The following ZNF778 variants were observed in gnomAD, a reference collection of about 807,000 sequenced individuals.
ZNF778 encodes the protein zinc finger protein 778.
Under a neutral mutation model 23.9 loss-of-function variants are expected in ZNF778, and 37 were observed. The ratio of observed to expected loss-of-function variants is 1.54; its 90% CI spans 1.19 to 2.03. The LOEUF is 2.03. ZNF778 is among the 30% of genes most tolerant of loss of function. The probability of loss-of-function intolerance (pLI) is 0.00; values close to 1 mark genes in which losing one functional copy is unlikely to be tolerated. For missense variants in ZNF778, 1,297 were observed against 934.4 expected (o/e 1.39, Z -5.06); for synonymous variants, 483 against 343.9 (o/e 1.40, Z -4.48).
At position 89,224,663 on chromosome 16, in the gene ZNF778, G is replaced by T. The variant is rs951473381; in HGVS notation, c.245-56G>T. The T allele has an allele frequency of 4.7e-6, 6 of 1,275,348 alleles. No homozygotes were observed. The African/African-American group carries it at 7.3e-5, about 16-fold the overall frequency. The allele number at this position is 1,275,348 out of a possible 1,614,324, so 79.0% of individuals were successfully genotyped here. A position where few individuals can be genotyped will look rare whatever the true frequency, so the allele number is the denominator to read the frequency against. ...GAAATGTAGTTCCTGTTCACGGGTA[G>T]GTTTGTCATCCCCTGCCTGAGCCTC... On this transcript the variant is annotated intron_variant, in intron 4 of 6. Coordinates refer to ENST00000433976, the MANE Select transcript of ZNF778 (RefSeq NM_001201407.2).
intron 1 of ZNF778, among the ~76,000 whole-genome samples, chr16:89,220,194 GC>G (rs1270141303): frequency 6.6e-6 from 1 of 152,150 alleles, no homozygotes; most frequent in Non-Finnish European, 1.5e-5. Context: ...CAAAGACCTC[GC>G]CCCCGCCGAC....
chr16:89,219,311 T>G (rs2030688231), intron 1 of ZNF778, among the ~76,000 whole-genome samples: 1 of 152,216 alleles, frequency 6.6e-6, no homozygotes, highest in Admixed American at 6.5e-5. Flanking sequence ...ACTTTGGTGT[T>G]GTTTTCTCGT....
Position 89,222,167 on chromosome 16 carries a change from T to A in ZNF778, c.101T>A (p.Leu34Gln). The change falls in exon 3 of 7, where the codon CTG (leucine) becomes CAG (glutamine). Residue 34 changes from leucine (L) to glutamine (Q), a missense_variant. Coordinates refer to ENST00000433976, the MANE Select transcript of ZNF778 (RefSeq NM_001201407.2). ...TQAAGMVAGW[L>Q]INCYQDAVTF... ...GCAGCAGGGATGGTGGCTGGCTGGC[T>A]GATAAATTGTTACCAGGTATGCCAA... 6.2e-7 allele frequency: 1 copy of A among 1,605,328 alleles called. No individual in the cohort carries two copies. The highest frequency in any genetic ancestry group is 8.5e-7 in the Non-Finnish European group (1 of 1,174,308).
At chr16:89,222,293 C>G (rs2031033454) in intron 3 of ZNF778, 110 bp downstream of exon 3, 2 of 692,210 alleles carry the variant, frequency 2.9e-6, no homozygotes, top group South Asian at 2.7e-5. Flanking sequence ...GACCGAGTCC[C>G]TAGTTGAACG....
In ZNF778 at chr16:89,234,143, G is replaced by T. The variant is rs1316270562; in HGVS notation, c.*5581G>T. The T allele has an allele frequency of 2.2e-6, 1 of 449,558 alleles. No individual in the cohort carries two copies. Among genetic ancestry groups the T allele is most frequent in the Non-Finnish European group, 4.3e-6 (1 of 232,840 alleles). The allele number at this position is 449,558 out of a possible 1,614,324, so 27.8% of individuals were successfully genotyped here. A position where few individuals can be genotyped will look rare whatever the true frequency, so the allele number is the denominator to read the frequency against. ...TGTGAGTGATAAACTTTCCATGTCA[G>T]GAACCTGTGTGTGTCACTCACTCAC... On this transcript the variant is annotated 3_prime_UTR_variant, in exon 7 of 7. Coordinates refer to ENST00000433976, the MANE Select transcript of ZNF778 (RefSeq NM_001201407.2).
In ZNF778 at chr16:89,230,576, G is replaced by T. The variant is rs897670488; in HGVS notation, c.*2014G>T. The T allele has an allele frequency of 5.3e-5, 8 of 152,240 alleles. No homozygotes were observed. The highest frequency in any genetic ancestry group is 1.9e-4 in the African/African-American group (8 of 41,448). 9.4% of individuals were successfully genotyped at this position (152,240 alleles called of 1,614,324 possible). ...TACCATGAAAACAGACCAGGGACAC[G>T]GCTGGTCCTGATGTTCTGTGGCGCT... On this transcript the variant is annotated 3_prime_UTR_variant, in exon 7 of 7. Transcript: ENST00000433976.
Position 89,228,510 on chromosome 16 carries a change from C to G in ZNF778, c.2222C>G (p.Ser741Cys). ...GACTGTGGAAAATCTTTTAAGAATTCCTCATGCCTTAACCATCACACTCAA... is the reference window on the plus strand; with the variant it reads ...GACTGTGGAAAATCTTTTAAGAATTGCTCATGCCTTAACCATCACACTCAA... ...CKDCGKSFKN[S>C]SCLNHHTQIH... is the part of the protein sequence containing the mutation. Residue 741 changes from serine to cysteine, a missense_variant, in exon 7 of 7, where the codon TCC (serine) becomes TGC (cysteine). Ser to Cys is a moderately radical substitution (Grantham distance 112). Transcript: ENST00000433976. 1 of 1,606,730 alleles carries G rather than the reference C, an allele frequency of 6.2e-7. No individual in the cohort carries two copies. The highest frequency in any genetic ancestry group is 1.1e-5 in the South Asian group (1 of 89,460).
At position 89,233,312 on chromosome 16, in the gene ZNF778, ATGCAACTCAGCTCGCTCTGCG is replaced by A. The variant is rs2032072849; in HGVS notation, c.*4752_*4772del. 1 of 1,280,922 alleles carries A rather than the reference ATGCAACTCAGCTCGCTCTGCG, an allele frequency of 7.8e-7. No individual in the cohort carries two copies. The highest frequency in any genetic ancestry group is 1.6e-5 in the African/African-American group (1 of 60,648). The allele number at this position is 1,280,922 out of a possible 1,614,324, so 79.3% of individuals were successfully genotyped here. A position where few individuals can be genotyped will look rare whatever the true frequency, so the allele number is the denominator to read the frequency against. ...GTATGCAACTCAGCTCGCTCTGCGTATGCAACTCAGCTCGCTCTGCGTATGCAACTCAGCTCGCACTGCGTA... is the reference window on the plus strand; with the variant it reads ...GTATGCAACTCAGCTCGCTCTGCGTATATGCAACTCAGCTCGCACTGCGTA... On this transcript the variant is annotated 3_prime_UTR_variant, in exon 7 of 7. Transcript: ENST00000433976.
Position 89,233,385 on chromosome 16 carries a change from AACTC to A in ZNF778, c.*4824_*4827del. ...GCAACTCGCACTGCGTATGCAACTC[AACTC>A]GCACTGCGTATGCAACTCAACTCGC... On this transcript the variant is annotated 3_prime_UTR_variant, in exon 7 of 7. Coordinates refer to ENST00000433976, the MANE Select transcript of ZNF778 (RefSeq NM_001201407.2). The A allele has an allele frequency of 1.4e-4, 114 of 804,692 alleles. No individual in the cohort carries two copies. The highest frequency in any genetic ancestry group is 1.7e-4 in the Non-Finnish European group (102 of 602,786). 49.8% of individuals were successfully genotyped at this position (804,692 alleles called of 1,614,324 possible).
At chr16:89,219,275 AC>A (rs2030682983) in intron 1 of ZNF778, among the ~76,000 whole-genome samples, 1 of 152,078 alleles carries the variant, frequency 6.6e-6, no homozygotes, top group Non-Finnish European at 1.5e-5. Context: ...ACCTAGAACA[AC>A]CCCTGTGGTT....
intron 6 of ZNF778, among the ~76,000 whole-genome samples, chr16:89,226,304 C>G (rs549778217): frequency 6.6e-6 from 1 of 152,212 alleles, no homozygotes; most frequent in East Asian, 1.9e-4. Flanking sequence ...CTCCCTGGTT[C>G]AAGCCATTCT....
chr16:89,234,391 T>G lies in ZNF778; in HGVS notation c.*5829T>G, dbSNP rs536833854. The G allele has an allele frequency of 1.9e-4, 52 of 273,094 alleles. No individual in the cohort carries two copies. Among genetic ancestry groups the G allele is most frequent in the Middle Eastern group, 2.6e-3 (2 of 784 alleles). 16.9% of individuals were successfully genotyped at this position (273,094 alleles called of 1,614,324 possible). A position where few individuals can be genotyped will look rare whatever the true frequency, so the allele number is the denominator to read the frequency against. On this transcript the variant is annotated 3_prime_UTR_variant, in exon 7 of 7. Transcript: ENST00000433976. ...AAAGTGGTTGTGAAACAGCATCTCC[T>G]TGGGGTGTTGGTTTGCACTTCTCTT...
In ZNF778 at chr16:89,228,585, T is replaced by C; in HGVS notation, c.*23T>C. On this transcript the variant is annotated 3_prime_UTR_variant, in exon 7 of 7. Coordinates refer to ENST00000433976, the MANE Select transcript of ZNF778 (RefSeq NM_001201407.2). ...TAATGTAAAGAATGTGGGGAAGCTG[T>C]CAGCTACACTCATTCACGTTGAAGA... 1 of 1,543,320 alleles carries C rather than the reference T, an allele frequency of 6.5e-7. No homozygotes were observed. Among genetic ancestry groups the C allele is most frequent in the South Asian group, 1.3e-5 (1 of 76,780 alleles).
chr16:89,223,045 TAG>T, intron 3 of ZNF778, 110 bp from the exon 4 acceptor site: 1 of 1,307,604 alleles, frequency 7.6e-7, no homozygotes, highest in South Asian at 1.5e-5. Context: ...GGCCATGGGG[TAG>T]ACAGTAGGAG....
chr16:89,230,241 C>A lies in ZNF778; in HGVS notation c.*1679C>A. ...GGGGCAGAGTGGAGAGGGGCGAGGT[C>A]TGTACCCTGAGATGCCCCCGTTTCA... is the stretch of plus-strand genomic sequence containing the variant. On this transcript the variant is annotated 3_prime_UTR_variant, in exon 7 of 7. Transcript: ENST00000433976. 1 of 232,964 alleles carries A rather than the reference C, an allele frequency of 4.3e-6. No homozygotes were observed. The highest frequency in any genetic ancestry group is 7.0e-6 in the Non-Finnish European group (1 of 141,974). The allele number at this position is 232,964 out of a possible 1,614,324, so 14.4% of individuals were successfully genotyped here. A position where few individuals can be genotyped will look rare whatever the true frequency, so the allele number is the denominator to read the frequency against.
intron 5 of ZNF778, 142 bp from the exon 6 acceptor site, chr16:89,225,413 C>T (rs1348921935): frequency 1.7e-6 from 1 of 604,134 alleles, no homozygotes; most frequent in East Asian, 3.0e-5. Context: ...AATTATGACT[C>T]CCAGTTCCTA....
intron 4 of ZNF778, 114 bp from the exon 5 acceptor site, chr16:89,224,605 C>T (rs931304567): frequency 2.3e-4 from 175 of 750,092 alleles, no homozygotes; most frequent in Admixed American, 8.6e-4. Context: ...GGCAACAGCG[C>T]GAGACGCTGT....
chr16:89,220,948 C>G (rs569500963), intron 1 of ZNF778, 49 bp from the exon 2 acceptor site: 6 of 634,120 alleles, frequency 9.5e-6, no homozygotes, highest in African/African-American at 9.1e-5. Flanking sequence ...CAAGCTAATG[C>G]GTGAGGTTTG....
intron 3 of ZNF778, among the ~76,000 whole-genome samples, chr16:89,222,835 G>T (rs992743355): frequency 6.6e-6 from 1 of 152,244 alleles, no homozygotes; most frequent in African/African-American, 2.4e-5. Flanking sequence ...GGCGAGGGGA[G>T]TGCCCAGTGA....
Sources: gnomAD v4.1 joint callset for allele counts (sites outside exome capture counted in the v4.1 genomes callset) on GRCh38, gnomAD v4.1.1 for gene constraint, MANE v1.5 for transcripts, NCBI Gene and HGNC (gene_info 2026-07-23, HGNC 2026-07-21) for gene names.